The following SLC44A1 variants were observed in gnomAD, a reference collection of about 807,000 sequenced individuals.
The protein encoded by SLC44A1 is solute carrier family 44 member 1.
In SLC44A1, 26 loss-of-function variants were observed where a neutral mutation model predicts 79.3. The ratio of observed to expected loss-of-function variants is 0.33; its 90% confidence interval spans 0.24 to 0.46. SLC44A1 has a LOEUF of 0.46. Among genes scored for constraint, SLC44A1 ranks in the 20% least tolerant of loss-of-function variants. SLC44A1 has a pLI of 1.00. For missense variants in SLC44A1, 688 were observed against 798.1 expected (o/e 0.86, Z 1.66); for synonymous variants, 263 against 286.2 (o/e 0.92, Z 0.82).
rs541139879 is a variant in SLC44A1, at chr9:105,414,307, G to C, written c.1951-23974G>C. Among the ~76,000 whole-genome samples the C allele has an allele frequency of 1.8e-4, 28 of 152,080 alleles. 2 individuals carry two copies. The highest frequency in any genetic ancestry group is 6.5e-4 in the African/African-American group (27 of 41,508). On this transcript the variant is annotated intron_variant, in intron 15 of 15. Coordinates refer to the SLC44A1 transcript ENST00000374724. ...CCTGATCTCGTGATCCGCCCGCCTC[G>C]GCCTCCCAAAGTGCTGGGATTATAG... is the stretch of plus-strand genomic sequence containing the variant.
At chr9:105,262,190 CA>C (rs1588710181) in intron 1 of SLC44A1, among the ~76,000 whole-genome samples, 1 of 152,070 alleles carries the variant, frequency 6.6e-6, no homozygotes, top group East Asian at 1.9e-4. Context: ...ACTAGAAATA[CA>C]AAAGTGCCCT....
Position 105,396,900 on chromosome 9 carries a change from ACT to A in SLC44A1, c.*7845_*7846del. On this transcript the variant is annotated 3_prime_UTR_variant, in exon 16 of 16. Coordinates refer to ENST00000374720, the MANE Select transcript of SLC44A1 (RefSeq NM_080546.5). ...TTTTTTCTTATTACAGTGTCACTAC[ACT>A]GTATTCATGTGGGGGAACAAACATG... is the stretch of plus-strand genomic sequence containing the variant. 2 of 985,154 alleles carry A rather than the reference ACT, an allele frequency of 2.0e-6. No homozygotes were observed. The highest frequency in any genetic ancestry group is 2.4e-6 in the Non-Finnish European group (2 of 829,756). The allele number at this position is 985,154 out of a possible 1,614,324, so 61.0% of individuals were successfully genotyped here.
chr9:105,247,411 C>T (rs951579097), intron 1 of SLC44A1, among the ~76,000 whole-genome samples: 1 of 152,192 alleles, frequency 6.6e-6, no homozygotes, highest in East Asian at 1.9e-4. Flanking sequence ...GATTTTCCTG[C>T]CTCAGCTTCC....
At chr9:105,382,371 A>G (rs1204518884) in intron 13 of SLC44A1, among the ~76,000 whole-genome samples, 2 of 152,222 alleles carry the variant, frequency 1.3e-5, no homozygotes, top group Non-Finnish European at 2.9e-5. Flanking sequence ...GACAATAACT[A>G]AATTGGCTAT....
intron 3 of SLC44A1, among the ~76,000 whole-genome samples, chr9:105,320,108 T>C (rs1826339323): frequency 6.6e-6 from 1 of 152,134 alleles, no homozygotes; most frequent in African/African-American, 2.4e-5. Flanking sequence ...AATAATTATA[T>C]ATTATGTAGT....
chr9:105,285,602 T>C (rs1830455519), intron 1 of SLC44A1, among the ~76,000 whole-genome samples: 1 of 152,162 alleles, frequency 6.6e-6, no homozygotes, highest in South Asian at 2.1e-4. Flanking sequence ...TATCATTAGT[T>C]CTTATAGGTT....
At chr9:105,315,927 T>G (rs1831312006) in intron 3 of SLC44A1, among the ~76,000 whole-genome samples, 1 of 152,224 alleles carries the variant, frequency 6.6e-6, no homozygotes, top group Admixed American at 6.5e-5. Flanking sequence ...ATGTTTATTA[T>G]TTTATTTAGC....
chr9:105,330,561 T>G (rs1032349630), intron 3 of SLC44A1, among the ~76,000 whole-genome samples: 1 of 152,192 alleles, frequency 6.6e-6, no homozygotes, highest in Non-Finnish European at 1.5e-5. Context: ...GCTTTAAAAG[T>G]CACTTCTTTT....
At chr9:105,435,523 A>G (rs914112530) in intron 15 of SLC44A1, among the ~76,000 whole-genome samples, 1 of 152,216 alleles carries the variant, frequency 6.6e-6, no homozygotes, top group African/African-American at 2.4e-5. Flanking sequence ...ACGATATCAC[A>G]AGGTCGACTG....
intron 15 of SLC44A1, among the ~76,000 whole-genome samples, chr9:105,426,176 A>G (rs1020862733): frequency 2.0e-5 from 3 of 152,188 alleles, no homozygotes; most frequent in African/African-American, 7.2e-5. Context: ...TAATACTTCA[A>G]AATAAAATCT....
rs764650617 is a variant in SLC44A1 at position 105,389,097 on chromosome 9, C to T, written c.*41C>T. On this transcript the variant is annotated 3_prime_UTR_variant, in exon 16 of 16. Coordinates refer to ENST00000374720, the MANE Select transcript of SLC44A1 (RefSeq NM_080546.5). ...ATGGAAACCCATTGACATTCCAAAACAATATATACACATAACTATGTATTT... is the reference window on the plus strand; with the variant it reads ...ATGGAAACCCATTGACATTCCAAAATAATATATACACATAACTATGTATTT... The T allele has an allele frequency of 2.5e-6, 4 of 1,610,610 alleles. No individual in the cohort carries two copies. In the East Asian group the frequency reaches 6.7e-5, roughly 27 times the overall value.
intron 1 of SLC44A1, among the ~76,000 whole-genome samples, chr9:105,290,062 C>T (rs1830568371): frequency 6.6e-6 from 1 of 152,114 alleles, no homozygotes; most frequent in Admixed American, 6.5e-5. Flanking sequence ...GTGATCCACC[C>T]TCCTTGGCCT....
intron 1 of SLC44A1, among the ~76,000 whole-genome samples, chr9:105,252,564 T>C (rs1419410467): frequency 6.6e-6 from 1 of 152,174 alleles, no homozygotes; most frequent in Non-Finnish European, 1.5e-5. Flanking sequence ...CTTATAAAGG[T>C]GTAAGTTACT....
intron 12 of SLC44A1, among the ~76,000 whole-genome samples, chr9:105,367,363 TG>T (rs1364228172): frequency 3.9e-5 from 6 of 152,202 alleles, no homozygotes; most frequent in African/African-American, 1.4e-4. Context: ...ATGGTTAATA[TG>T]AGAAAGTAGG....
intron 1 of SLC44A1, chr9:105,294,642 T>C (rs1830677386): frequency 6.6e-6 from 1 of 152,106 alleles, no homozygotes; most frequent in African/African-American, 2.4e-5. Context: ...ATAATAGGTG[T>C]AGGGGGTGTG....
At chr9:105,285,506 C>T (rs1830453351) in intron 1 of SLC44A1, among the ~76,000 whole-genome samples, 1 of 152,200 alleles carries the variant, frequency 6.6e-6, no homozygotes, top group Admixed American at 6.5e-5. Context: ...GACCACCAAA[C>T]AGGCTTTGTG....
chr9:105,259,458 C>G (rs927352542), intron 1 of SLC44A1, among the ~76,000 whole-genome samples: 2 of 152,112 alleles, frequency 1.3e-5, no homozygotes, highest in African/African-American at 4.8e-5. Flanking sequence ...CTCTGGAGCA[C>G]AAATGATTAG....
At position 105,393,323 on chromosome 9, in the gene SLC44A1, C is replaced by T. The variant is rs934556512; in HGVS notation, c.*4267C>T. The T allele has an allele frequency of 2.0e-6, 2 of 985,264 alleles. No individual in the cohort carries two copies. Among genetic ancestry groups the T allele is most frequent in the Admixed American group, 6.1e-5 (1 of 16,262 alleles). The allele number at this position is 985,264 out of a possible 1,614,324, so 61.0% of individuals were successfully genotyped here. On this transcript the variant is annotated 3_prime_UTR_variant, in exon 16 of 16. Transcript: ENST00000374720. ...ACTCATCTTTGTTAACTTAGTGGCACATAGTCCAAATTTTTAAAAAGCAAG... is the reference window on the plus strand; with the variant it reads ...ACTCATCTTTGTTAACTTAGTGGCATATAGTCCAAATTTTTAAAAAGCAAG...
chr9:105,352,368 A>G (rs1291082341), intron 5 of SLC44A1, among the ~76,000 whole-genome samples: 1 of 152,172 alleles, frequency 6.6e-6, no homozygotes, highest in Non-Finnish European at 1.5e-5. Context: ...GGTATTAGGC[A>G]CTGTTTGTCA....
Sources: gnomAD v4.1 joint callset for allele counts (sites outside exome capture counted in the v4.1 genomes callset) on GRCh38, gnomAD v4.1.1 for gene constraint, MANE v1.5 for transcripts, NCBI Gene and HGNC (gene_info 2026-07-23, HGNC 2026-07-21) for gene names.